VRK2: variants seen among roughly 807,000 people sequenced by gnomAD.
VRK2 encodes the protein serine/threonine-protein kinase VRK2.
Under a neutral mutation model 57.6 loss-of-function variants are expected in VRK2, and 60 were observed. The ratio of observed to expected loss-of-function variants is 1.04; its 90% CI spans 0.85 to 1.29. The LOEUF is 1.29. Ranked by LOEUF, VRK2 falls within the 50% of genes most tolerant of loss-of-function variation. The pLI, the probability that VRK2 is intolerant of heterozygous loss-of-function variation, is 0.00. For synonymous variants in VRK2, 231 were observed against 199.2 expected (o/e 1.16, Z -1.35); for missense variants, 705 against 588.1 (o/e 1.20, Z -2.06).
chr2:57,971,439 T>C (rs892327657), intron 1 of VRK2, among the ~76,000 whole-genome samples: 17 of 152,000 alleles, frequency 1.1e-4, no homozygotes, highest in African/African-American at 4.1e-4. Context: ...TAGGTAATGA[T>C]GGTAACTCCC....
intron 7 of VRK2, among the ~76,000 whole-genome samples, chr2:58,115,351 T>C (rs1000893051): frequency 5.9e-5 from 9 of 151,386 alleles, no homozygotes; most frequent in African/African-American, 2.2e-4. Flanking sequence ...ACTTAAAGAG[T>C]GAGTTCAGCT....
chr2:58,113,584 A>G (rs1675918264), intron 7 of VRK2, among the ~76,000 whole-genome samples: 1 of 152,106 alleles, frequency 6.6e-6, no homozygotes, highest in Non-Finnish European at 1.5e-5. Context: ...TGGGAAGGTA[A>G]TGGAAAATTA....
intron 1 of VRK2, among the ~76,000 whole-genome samples, chr2:57,912,325 G>A (rs1670012312): frequency 6.6e-6 from 1 of 152,198 alleles, no homozygotes; most frequent in Non-Finnish European, 1.5e-5. Flanking sequence ...ATGGCTGGTG[G>A]AGTCCAAGAG....
intron 2 of VRK2, 40 bp downstream of exon 2, chr2:58,049,007 G>A (rs778821759): frequency 4.4e-6 from 7 of 1,597,492 alleles, no homozygotes; most frequent in African/African-American, 1.4e-5. Flanking sequence ...TCTTATATCT[G>A]TGACTGTAAC....
At chr2:58,105,041 C>G (rs1372421018) in intron 7 of VRK2, among the ~76,000 whole-genome samples, 1 of 151,850 alleles carries the variant, frequency 6.6e-6, no homozygotes, top group Non-Finnish European at 1.5e-5. Flanking sequence ...CTATCTCTCA[C>G]CATATACAAC....
chr2:57,982,782 C>T (rs1056159335), intron 1 of VRK2, among the ~76,000 whole-genome samples: 1 of 152,202 alleles, frequency 6.6e-6, no homozygotes, highest in African/African-American at 2.4e-5. Flanking sequence ...GTAAAGGCTA[C>T]AGCCACCTAG....
At chr2:58,097,727 A>G (rs1226340467) in intron 7 of VRK2, among the ~76,000 whole-genome samples, 2 of 152,182 alleles carry the variant, frequency 1.3e-5, no homozygotes, top group Admixed American at 6.5e-5. Context: ...ATGTGTTTGC[A>G]GTAATGCTGG....
In VRK2 at chr2:58,074,751, T is replaced by C. The variant is rs1572960131; in HGVS notation, c.137-9338T>C. Among the ~76,000 whole-genome samples the C allele has an allele frequency of 2.0e-5, 3 of 152,180 alleles. No homozygotes were observed. The South Asian group carries it at 6.2e-4, about 32-fold the overall frequency. On this transcript the variant is annotated intron_variant, in intron 2 of 12. Transcript: ENST00000340157. ...TTTTGCAGATGTGAGTAATAACAGGTATATTATTTTCCTTCACTCTCAAGA... is the reference window on the plus strand; with the variant it reads ...TTTTGCAGATGTGAGTAATAACAGGCATATTATTTTCCTTCACTCTCAAGA...
At chr2:57,923,736 G>C (rs1670434980) in intron 1 of VRK2, among the ~76,000 whole-genome samples, 1 of 151,742 alleles carries the variant, frequency 6.6e-6, no homozygotes, top group Non-Finnish European at 1.5e-5. Context: ...AGTTAGTTGT[G>C]ATCCCGTTTA....
chr2:58,148,297 C>T (rs1159788274), intron 12 of VRK2, among the ~76,000 whole-genome samples: 1 of 151,780 alleles, frequency 6.6e-6, no homozygotes, highest in African/African-American at 2.4e-5. Context: ...AGCACTTTCA[C>T]GTTTTTACTG....
At chr2:57,995,878 T>C (rs1460188075) in intron 1 of VRK2, among the ~76,000 whole-genome samples, 1 of 152,198 alleles carries the variant, frequency 6.6e-6, no homozygotes, top group Non-Finnish European at 1.5e-5. Flanking sequence ...TTTTGCACCA[T>C]CAGTGCAAAT....
At chr2:58,058,083 G>T (rs763442559) in intron 2 of VRK2, among the ~76,000 whole-genome samples, 6 of 152,100 alleles carry the variant, frequency 3.9e-5, no homozygotes, top group Non-Finnish European at 8.8e-5. Context: ...CAGCATGCCT[G>T]CTACCACTTG....
intron 12 of VRK2, among the ~76,000 whole-genome samples, chr2:58,157,155 T>G (rs569553518): frequency 1.3e-5 from 2 of 152,308 alleles, no homozygotes; most frequent in South Asian, 4.1e-4. Flanking sequence ...TTTCACATAT[T>G]TTGACTAATT....
chr2:58,033,840 G>C (rs1674190061), intron 3 of VRK2, among the ~76,000 whole-genome samples: 3 of 151,954 alleles, frequency 2.0e-5, no homozygotes, highest in South Asian at 2.1e-4. Context: ...CATCCACAGA[G>C]AGCCATCTGT....
At position 58,048,804 on chromosome 2, in the gene VRK2, T is replaced by A. The variant is rs1386311506; in HGVS notation, c.-5-23T>A. 8 of 1,608,592 alleles carry A rather than the reference T, an allele frequency of 5.0e-6. No individual in the cohort carries two copies. In the Admixed American group the frequency reaches 6.8e-5, roughly 14 times the overall value. On this transcript the variant is annotated intron_variant, in intron 1 of 12. Transcript: ENST00000340157. ...TTGTTTGTTTTTCTTTTTACCCATT[T>A]ATCTCACCCCTTCTGCCAACAGAAG...
chr2:57,990,355 A>G (rs911114445), intron 1 of VRK2, among the ~76,000 whole-genome samples: 1 of 152,258 alleles, frequency 6.6e-6, no homozygotes, highest in Non-Finnish European at 1.5e-5. Context: ...AAAAGAGATC[A>G]CTGGACCATA....
At chr2:58,152,153 A>C (rs1180453882) in intron 12 of VRK2, among the ~76,000 whole-genome samples, 1 of 151,892 alleles carries the variant, frequency 6.6e-6, no homozygotes, top group Non-Finnish European at 1.5e-5. Flanking sequence ...ACAATGGTAT[A>C]ATCAGAATAA....
intron 2 of VRK2, among the ~76,000 whole-genome samples, chr2:58,063,783 C>T (rs1357842356): frequency 6.6e-6 from 1 of 152,056 alleles, no homozygotes; most frequent in Non-Finnish European, 1.5e-5. Flanking sequence ...GATAATGATT[C>T]CTCAGATGGA....
chr2:58,144,560 T>A (rs1681832566), intron 11 of VRK2, among the ~76,000 whole-genome samples: 1 of 151,994 alleles, frequency 6.6e-6, no homozygotes, highest in Non-Finnish European at 1.5e-5. Flanking sequence ...TCACCCTTTA[T>A]AACATGGAAC....
Sources: gnomAD v4.1 joint callset for allele counts (sites outside exome capture counted in the v4.1 genomes callset) on GRCh38, gnomAD v4.1.1 for gene constraint, MANE v1.5 for transcripts, NCBI Gene and HGNC (gene_info 2026-07-23, HGNC 2026-07-21) for gene names.